Variants in TBCEL observed in about 807,000 individuals in gnomAD.
TBCEL encodes the protein tubulin-specific chaperone cofactor E-like protein.
TBCEL carries 15 observed loss-of-function variants against 44.2 expected under a neutral mutation model. The observed-to-expected ratio is 0.34, with a 90% confidence interval of 0.23 to 0.52. The LOEUF (loss-of-function observed/expected upper bound fraction) is 0.52, where lower values mean the gene tolerates loss of function less well. TBCEL is among the 20% of genes least tolerant of loss of function. TBCEL has a pLI of 0.95. For missense variants in TBCEL, 319 were observed against 506.3 expected, an observed-to-expected ratio of 0.63 and a Z score of 3.55; for synonymous variants, 171 against 185.4, an observed-to-expected ratio of 0.92 and a Z score of 0.63.
chr11:121,063,093 C>T (rs557864653), intron 8 of TBCEL, among the ~76,000 whole-genome samples: 1 of 152,272 alleles, frequency 6.6e-6, no homozygotes, highest in East Asian at 1.9e-4. Flanking sequence ...CTCGCCTTTA[C>T]TTCATTCCCC....
chr11:121,075,180 G>T (rs532631593), intron 8 of TBCEL, among the ~76,000 whole-genome samples: 1 of 152,104 alleles, frequency 6.6e-6, no homozygotes, highest in Non-Finnish European at 1.5e-5. Context: ...TCAAGAGATT[G>T]TGATACTGGT....
At chr11:121,055,886 C>A (rs139025365) in intron 6 of TBCEL, among the ~76,000 whole-genome samples, 209 of 145,558 alleles carry the variant, frequency 1.4e-3, no homozygotes, top group African/African-American at 5.6e-3. Context: ...ATACAACTTC[C>A]CCCACTGTCA....
intron 1 of TBCEL, among the ~76,000 whole-genome samples, chr11:121,030,190 T>G (rs1191929927): frequency 6.6e-6 from 1 of 152,006 alleles, no homozygotes; most frequent in African/African-American, 2.4e-5. Flanking sequence ...GCAAAGGCTG[T>G]AGGGGGAAAT....
At chr11:121,055,985 T>A (rs1945613359) in intron 6 of TBCEL, among the ~76,000 whole-genome samples, 1 of 146,568 alleles carries the variant, frequency 6.8e-6, no homozygotes, top group South Asian at 2.1e-4. Flanking sequence ...CTATGTTGAT[T>A]TATTGTTATC....
At chr11:121,029,533 A>G (rs1005741105) in intron 1 of TBCEL, among the ~76,000 whole-genome samples, 1 of 152,218 alleles carries the variant, frequency 6.6e-6, no homozygotes, top group Non-Finnish European at 1.5e-5. Context: ...ACTTGTTCAA[A>G]TTACACAGTA....
At chr11:121,025,853 T>G (rs1412900009) in intron 1 of TBCEL, among the ~76,000 whole-genome samples, 1 of 152,102 alleles carries the variant, frequency 6.6e-6, no homozygotes, top group Non-Finnish European at 1.5e-5. Flanking sequence ...ATCTTGATCT[T>G]TAATATCTTG....
chr11:121,083,309 A>G (rs1946159653), intron 8 of TBCEL, among the ~76,000 whole-genome samples: 1 of 152,182 alleles, frequency 6.6e-6, no homozygotes, highest in African/African-American at 2.4e-5. Context: ...TGAATGTGGT[A>G]ATTGATTGAA....
intron 1 of TBCEL, among the ~76,000 whole-genome samples, chr11:121,029,475 A>G (rs1565489638): frequency 6.6e-6 from 1 of 152,232 alleles, no homozygotes; most frequent in Admixed American, 6.5e-5. Flanking sequence ...ATGGCTATTA[A>G]TAGCTTCATT....
chr11:121,031,563 A>G (rs1232603284), intron 1 of TBCEL, among the ~76,000 whole-genome samples: 4 of 149,988 alleles, frequency 2.7e-5, no homozygotes, highest in African/African-American at 7.4e-5. Context: ...AGTTCTCTGT[A>G]TTAGTTACAC....
chr11:121,028,755 A>G (rs939275153), intron 1 of TBCEL, among the ~76,000 whole-genome samples: 4 of 152,212 alleles, frequency 2.6e-5, no homozygotes, highest in Admixed American at 6.5e-5. Flanking sequence ...TTAACAAACA[A>G]ATTGCTCATA....
At chr11:121,071,048 G>A (rs1945921083) in intron 8 of TBCEL, among the ~76,000 whole-genome samples, 1 of 152,132 alleles carries the variant, frequency 6.6e-6, no homozygotes, top group Non-Finnish European at 1.5e-5. Context: ...ATTTCTCTGA[G>A]GGTATAGAAA....
At chr11:121,029,633 C>T (rs923051983) in intron 1 of TBCEL, among the ~76,000 whole-genome samples, 3 of 152,192 alleles carry the variant, frequency 2.0e-5, no homozygotes, top group Non-Finnish European at 4.4e-5. Context: ...GCCCATTTCC[C>T]AAATTCAGGA....
chr11:121,032,977 C>T (rs1359470743), intron 1 of TBCEL, among the ~76,000 whole-genome samples: 2 of 152,182 alleles, frequency 1.3e-5, no homozygotes, highest in Admixed American at 6.5e-5. Context: ...CTATGAAATA[C>T]TGGGAGAGAG....
chr11:121,035,608 T>G (rs1007785662), intron 1 of TBCEL: 5 of 152,050 alleles, frequency 3.3e-5, no homozygotes, highest in African/African-American at 9.7e-5. Flanking sequence ...GATGAACTAG[T>G]GGTCTGTTCC....
intron 5 of TBCEL, 118 bp downstream of exon 5, chr11:121,053,850 G>A (rs1323651165): frequency 8.5e-7 from 1 of 1,181,290 alleles, no homozygotes; most frequent in East Asian, 2.6e-5. Context: ...GGAGAAAGAG[G>A]TTAGAAAAAC....
At chr11:121,084,060 T>C (rs6589855) in intron 8 of TBCEL, among the ~76,000 whole-genome samples, 51,479 of 151,948 alleles carry the variant, frequency 0.34, 9,590 homozygotes, top group African/African-American at 0.5. Context: ...GGATAACGGG[T>C]GGACTCCCTC....
chr11:121,039,001 C>T (rs1270108505), intron 2 of TBCEL, among the ~76,000 whole-genome samples: 2 of 152,180 alleles, frequency 1.3e-5, no homozygotes, highest in African/African-American at 4.8e-5. Context: ...TCTCTCTATT[C>T]TGCATAAAGA....
chr11:121,029,329 A>G lies in TBCEL; in HGVS notation c.-126+5038A>G, dbSNP rs567261758. On this transcript the variant is annotated intron_variant, in intron 1 of 8. Transcript: ENST00000683345. ...GGGAGGATGTTTGTTTATTTGACTC[A>G]TATCAGCTCCTCCATTTGTCTGGAC... is the stretch of plus-strand genomic sequence containing the variant. Among the ~76,000 whole-genome samples, 276 of 152,300 alleles carry G rather than the reference A, an allele frequency of 1.8e-3. 1 individual carries two copies. Among genetic ancestry groups the G allele is most frequent in the African/African-American group, 6.3e-3 (261 of 41,564 alleles).
At chr11:121,060,118 A>C in intron 8 of TBCEL, 33 bp downstream of exon 8, 2 of 1,512,152 alleles carry the variant, frequency 1.3e-6, no homozygotes, top group Non-Finnish European at 1.8e-6. Context: ...AACACTTTAG[A>C]GGGTGGTGAT....
Sources: allele counts gnomAD v4.1 joint callset (sites outside exome capture counted in the v4.1 genomes callset), GRCh38; gene constraint gnomAD v4.1.1; transcripts MANE v1.5; gene names NCBI Gene and HGNC (gene_info 2026-07-23, HGNC 2026-07-21).